Variants in ZDHHC21 observed in about 807,000 individuals in gnomAD.
ZDHHC21 encodes zDHHC palmitoyltransferase 21.
In ZDHHC21, 15 loss-of-function variants were observed where a neutral mutation model predicts 34.6. That is an observed-to-expected ratio of 0.43 (90% CI 0.29 to 0.67). ZDHHC21 has a LOEUF of 0.67. ZDHHC21 is among the 30% of genes least tolerant of loss of function. The pLI, the probability that ZDHHC21 is intolerant of heterozygous loss-of-function variation, is 0.14. For synonymous variants in ZDHHC21, 142 were observed against 101.8 expected, an observed-to-expected ratio of 1.40 and a Z score of -2.38; for missense variants, 344 against 327.7, an observed-to-expected ratio of 1.05 and a Z score of -0.38.
intron 1 of ZDHHC21, among the ~76,000 whole-genome samples, chr9:14,691,408 G>A (rs1446641154): frequency 6.6e-6 from 1 of 152,104 alleles, no homozygotes; most frequent in East Asian, 1.9e-4. Flanking sequence ...CTATATGTGG[G>A]TCACATTTTA....
At position 14,645,289 on chromosome 9, in the gene ZDHHC21, C is replaced by T. The variant is rs981559690; in HGVS notation, c.505-5277G>A. 2.6e-5 allele frequency among the ~76,000 whole-genome samples: 4 copies of T among 151,982 alleles called. No individual in the cohort carries two copies. In the South Asian group the frequency reaches 8.3e-4, roughly 32 times the overall value. On this transcript the variant is annotated intron_variant, in intron 7 of 9. Coordinates refer to ENST00000380916, the MANE Select transcript of ZDHHC21 (RefSeq NM_178566.6). Reference sequence around the variant, plus strand: ...ATAGATCAACAGACTAGAAAAGAAACAGAAACAGACACACACACATATGAA... The same window carrying T: ...ATAGATCAACAGACTAGAAAAGAAATAGAAACAGACACACACACATATGAA...
chr9:14,639,674 T>C (rs1828977990), intron 8 of ZDHHC21, among the ~76,000 whole-genome samples: 1 of 152,082 alleles, frequency 6.6e-6, no homozygotes, highest in Non-Finnish European at 1.5e-5. Flanking sequence ...TCTATAGTCA[T>C]ATAAAAACAC....
the ZDHHC21 span, chr9:14,590,151 A>G: frequency 1.3e-5 from 2 of 152,222 alleles, no homozygotes; most frequent in African/African-American, 4.8e-5. Context: ...AATATCTAAA[A>G]TGAAAATTTC....
chr9:14,637,915 T>C (rs963153318), intron 8 of ZDHHC21, among the ~76,000 whole-genome samples: 2 of 152,002 alleles, frequency 1.3e-5, no homozygotes, highest in Non-Finnish European at 2.9e-5. Context: ...CCCATGATAA[T>C]GGATCAGAAG....
the ZDHHC21 span, among the ~76,000 whole-genome samples, chr9:14,604,826 T>C: frequency 7.2e-5 from 11 of 152,254 alleles, no homozygotes; most frequent in South Asian, 1.5e-3. Flanking sequence ...TCTAGAACTT[T>C]TTAAACTCGC....
At chr9:14,661,958 TA>T (rs1554775517) in intron 6 of ZDHHC21, among the ~76,000 whole-genome samples, 5 of 152,200 alleles carry the variant, frequency 3.3e-5, no homozygotes, top group Non-Finnish European at 7.4e-5. Context: ...ACAACCACCT[TA>T]ATCCTTTTGT....
intron 7 of ZDHHC21, among the ~76,000 whole-genome samples, chr9:14,651,555 G>C (rs1831247596): frequency 1.3e-5 from 2 of 151,762 alleles, no homozygotes; most frequent in African/African-American, 4.8e-5. Flanking sequence ...ATATTTCATA[G>C]GAGTAGACAT....
chr9:14,677,384 C>A (rs141213576), intron 3 of ZDHHC21: 1 of 151,908 alleles, frequency 6.6e-6, no homozygotes, highest in Non-Finnish European at 1.5e-5. Flanking sequence ...CCAAATCAGA[C>A]GACAAACCAC....
At chr9:14,656,321 G>A (rs1832200358) in intron 7 of ZDHHC21, among the ~76,000 whole-genome samples, 1 of 151,834 alleles carries the variant, frequency 6.6e-6, no homozygotes, top group South Asian at 2.1e-4. Context: ...TTAGAACAGT[G>A]CTAATAAACA....
rs148314082 is a variant in ZDHHC21, at chr9:14,619,159, A to C, written c.666-61T>G. 204 of 1,525,758 alleles carry C rather than the reference A, an allele frequency of 1.3e-4. No homozygotes were observed. The African/African-American group carries it at 2.7e-3, about 20-fold the overall frequency. The allele number at this position is 1,525,758 out of a possible 1,614,324, so 94.5% of individuals were successfully genotyped here. On this transcript the variant is annotated intron_variant, in intron 9 of 9. Transcript: ENST00000380916. ...TCCCATGGTGCACTTCAGTCAGCTA[A>C]AACAATACAGATTGGCTGGGGATCC... is the stretch of plus-strand genomic sequence containing the variant.
rs190629535 is a variant in ZDHHC21 at position 14,682,866 on chromosome 9, A to G, written c.-175-2704T>C. On this transcript the variant is annotated intron_variant, in intron 2 of 9. Coordinates refer to ENST00000380916, the MANE Select transcript of ZDHHC21 (RefSeq NM_178566.6). ...CAGACCACAGTGCAATCAAATTAGA[A>G]CTCAGGATTAAGAAACTCACTCAAA... Among the ~76,000 whole-genome samples the G allele has an allele frequency of 6.2e-3, 941 of 152,338 alleles. 15 individuals are homozygous for G. The highest frequency in any genetic ancestry group is 0.021 in the African/African-American group (889 of 41,580).
At chr9:14,630,973 T>C (rs1047215177) in intron 8 of ZDHHC21, among the ~76,000 whole-genome samples, 1 of 152,214 alleles carries the variant, frequency 6.6e-6, no homozygotes, top group African/African-American at 2.4e-5. Context: ...CCTAGGATTT[T>C]TGGAATGGCA....
rs1209369578 is a variant in ZDHHC21 at position 14,611,524 on chromosome 9, G to C, written c.*7442C>G. On this transcript the variant is annotated 3_prime_UTR_variant, in exon 10 of 10. Coordinates refer to ENST00000380916, the MANE Select transcript of ZDHHC21 (RefSeq NM_178566.6). ...CTCAGATCTATACATATTATGTACT[G>C]AATAATAAAATGCCTGACAAATTTA... 1 of 151,980 alleles carries C rather than the reference G, an allele frequency of 6.6e-6. No individual in the cohort carries two copies. The highest frequency in any genetic ancestry group is 1.5e-5 in the Non-Finnish European group (1 of 67,962). 9.4% of individuals were successfully genotyped at this position (151,980 alleles called of 1,614,324 possible). A position where few individuals can be genotyped will look rare whatever the true frequency, so the allele number is the denominator to read the frequency against.
intron 8 of ZDHHC21, 126 bp from the exon 9 acceptor site, chr9:14,619,808 G>C: frequency 2.3e-6 from 1 of 443,702 alleles, no homozygotes; most frequent in Non-Finnish European, 3.4e-6. Flanking sequence ...TTATATATGA[G>C]TATTATGAAT....
At chr9:14,629,353 T>G (rs1297271310) in intron 8 of ZDHHC21, among the ~76,000 whole-genome samples, 1 of 152,154 alleles carries the variant, frequency 6.6e-6, no homozygotes, top group Non-Finnish European at 1.5e-5. Context: ...AAAAAAACCC[T>G]TGCAATTTGA....
At chr9:14,668,645 A>G (rs967967225) in intron 5 of ZDHHC21, among the ~76,000 whole-genome samples, 5 of 151,476 alleles carry the variant, frequency 3.3e-5, no homozygotes, top group African/African-American at 1.2e-4. Flanking sequence ...TACTGGTACC[A>G]AAACAGAGAT....
Position 14,658,876 on chromosome 9 carries a change from C to A in ZDHHC21, c.377G>T (p.Cys126Phe). The A allele has an allele frequency of 6.2e-7, 1 of 1,609,740 alleles. No individual in the cohort carries two copies. Among genetic ancestry groups the A allele is most frequent in the Non-Finnish European group, 8.5e-7 (1 of 1,178,438 alleles). The change falls in exon 7 of 10, where the codon TGT becomes TTT. Residue 126 changes from cysteine (C) to phenylalanine (F), a missense_variant. Transcript: ENST00000380916. ...MDHHCPWINN[C>F]VGEDNHWLFL... ...GAGCCAATGATTATCTTCACCAACA[C>A]AATTGTTAATCCTAAAGAAAAAAAA...
chr9:14,648,817 A>G (rs1830709856), intron 7 of ZDHHC21, among the ~76,000 whole-genome samples: 1 of 152,132 alleles, frequency 6.6e-6, no homozygotes, highest in African/African-American at 2.4e-5. Flanking sequence ...GTGTTTTACA[A>G]ATAAAATTTT....
chr9:14,679,650 A>G (rs1350633705), intron 3 of ZDHHC21, among the ~76,000 whole-genome samples: 2 of 152,170 alleles, frequency 1.3e-5, no homozygotes, highest in African/African-American at 4.8e-5. Flanking sequence ...AAAAATAAAG[A>G]TAACCTAAGA....
Sources: gnomAD v4.1 joint callset for allele counts (sites outside exome capture counted in the v4.1 genomes callset) on GRCh38, gnomAD v4.1.1 for gene constraint, MANE v1.5 for transcripts, NCBI Gene and HGNC (gene_info 2026-07-23, HGNC 2026-07-21) for gene names.